Variants in PSEN1 observed in about 807,000 individuals in gnomAD.
PSEN1 encodes the protein presenilin 1, also known as presenilin-1.
In PSEN1, 15 loss-of-function variants were observed where a neutral mutation model predicts 53.5. The observed-to-expected ratio is 0.28, with a 90% CI of 0.19 to 0.43. The LOEUF is 0.43. PSEN1 is among the 20% of genes least tolerant of loss of function. PSEN1 has a pLI of 1.00. For synonymous variants in PSEN1, 208 were observed against 209.8 expected, an observed-to-expected ratio of 0.99 and a Z score of 0.08; for missense variants, 387 against 571.2, an observed-to-expected ratio of 0.68 and a Z score of 3.29.
chr14:73,185,210 C>T (rs979001203), intron 5 of PSEN1, among the ~76,000 whole-genome samples: 8 of 152,006 alleles, frequency 5.3e-5, no homozygotes, highest in Non-Finnish European at 8.8e-5. Flanking sequence ...GGGTGGCGGC[C>T]GGGCAGAGGC....
intron 9 of PSEN1, among the ~76,000 whole-genome samples, chr14:73,207,626 A>G (rs1365827571): frequency 6.6e-6 from 1 of 152,246 alleles, no homozygotes; most frequent in East Asian, 1.9e-4. Flanking sequence ...AGGTCATGTT[A>G]GACTCTCACG....
intron 10 of PSEN1, among the ~76,000 whole-genome samples, chr14:73,216,403 C>T (rs1265302750): frequency 6.6e-6 from 1 of 152,146 alleles, no homozygotes; most frequent in African/African-American, 2.4e-5. Context: ...TAATTTTCCA[C>T]AATCATTGAA....
At chr14:73,182,181 G>GA (rs1898237715) in intron 5 of PSEN1, among the ~76,000 whole-genome samples, 1 of 152,120 alleles carries the variant, frequency 6.6e-6, no homozygotes, top group Non-Finnish European at 1.5e-5. Flanking sequence ...TGTTACTTTT[G>GA]ATTCAGAAAA....
intron 6 of PSEN1, among the ~76,000 whole-genome samples, chr14:73,188,680 T>C (rs1898605636): frequency 6.6e-6 from 1 of 152,194 alleles, no homozygotes; most frequent in Non-Finnish European, 1.5e-5. Context: ...ATAAAATGTA[T>C]GCATCTCATT....
chr14:73,188,553 G>A (rs1258345090), intron 6 of PSEN1, among the ~76,000 whole-genome samples: 1 of 152,066 alleles, frequency 6.6e-6, no homozygotes, highest in African/African-American at 2.4e-5. Flanking sequence ...AGACTAAGGC[G>A]GGAGGATGGC....
intron 9 of PSEN1, among the ~76,000 whole-genome samples, chr14:73,210,175 T>C (rs548841684): frequency 2.0e-5 from 3 of 152,322 alleles, no homozygotes; most frequent in African/African-American, 7.2e-5. Flanking sequence ...GGTTGAGCTC[T>C]GTCAGAGCAT....
At chr14:73,167,933 G>A (rs1253392005) in intron 3 of PSEN1, 1 of 150,648 alleles carries the variant, frequency 6.6e-6, no homozygotes, top group Admixed American at 6.6e-5. Flanking sequence ...CAGAAGGGCT[G>A]GGCTCCTGGC....
chr14:73,146,150 G>T (rs944023865), intron 1 of PSEN1: 1 of 149,490 alleles, frequency 6.7e-6, no homozygotes, highest in African/African-American at 2.5e-5. Flanking sequence ...TTAAGTATAG[G>T]TTAAATTCCC....
At chr14:73,172,487 C>G (rs1008917361) in intron 4 of PSEN1, among the ~76,000 whole-genome samples, 7 of 152,198 alleles carry the variant, frequency 4.6e-5, no homozygotes, top group African/African-American at 1.7e-4. Flanking sequence ...TGTCTGCTAC[C>G]TTTCCACAAA....
chr14:73,157,554 C>G (rs1198728005), intron 3 of PSEN1, among the ~76,000 whole-genome samples: 2 of 152,132 alleles, frequency 1.3e-5, no homozygotes, highest in Non-Finnish European at 2.9e-5. Flanking sequence ...GAAACCACCA[C>G]CACAGTTAAA....
chr14:73,184,897 C>G (rs1232156448), intron 5 of PSEN1, among the ~76,000 whole-genome samples: 3 of 150,052 alleles, frequency 2.0e-5, no homozygotes, highest in Admixed American at 1.3e-4. Flanking sequence ...GACGGGGCGG[C>G]CGGGCAGAGA....
At position 73,219,500 on chromosome 14, in the gene PSEN1, G is replaced by T. The variant is rs200186908; in HGVS notation, c.*211G>T. ...AAAACGATTTTGAACATACTTCATC[G>T]CAGTGGACTGTGTCCCTCGGTGCAG... On this transcript the variant is annotated 3_prime_UTR_variant, in exon 12 of 12. Coordinates refer to ENST00000324501, the MANE Select transcript of PSEN1 (RefSeq NM_000021.4). 1 of 582,934 alleles carries T rather than the reference G, an allele frequency of 1.7e-6. No homozygotes were observed. Among genetic ancestry groups the T allele is most frequent in the Non-Finnish European group, 3.1e-6 (1 of 325,172 alleles). 36.1% of individuals were successfully genotyped at this position (582,934 alleles called of 1,614,324 possible).
intron 3 of PSEN1, among the ~76,000 whole-genome samples, chr14:73,152,861 G>A (rs569533437): frequency 6.6e-6 from 1 of 152,240 alleles, no homozygotes; most frequent in Admixed American, 6.5e-5. Context: ...TGGCCATCAC[G>A]GTGAAACCCT....
At chr14:73,138,728 T>A (rs185681891) in intron 1 of PSEN1, among the ~76,000 whole-genome samples, 28 of 134,874 alleles carry the variant, frequency 2.1e-4, no homozygotes, top group East Asian at 7.1e-4. Context: ...TGGGAGGCCG[T>A]GGCGGGCGGA....
At chr14:73,209,039 C>G (rs1022558800) in intron 9 of PSEN1, 7 of 335,356 alleles carry the variant, frequency 2.1e-5, no homozygotes, top group African/African-American at 1.5e-4. Flanking sequence ...CACACCCGGC[C>G]AGGTCATGAC....
At chr14:73,164,389 C>T (rs1897645072) in intron 3 of PSEN1, among the ~76,000 whole-genome samples, 1 of 152,130 alleles carries the variant, frequency 6.6e-6, no homozygotes, top group Admixed American at 6.5e-5. Flanking sequence ...GGACAATACC[C>T]TAAGAGGAGA....
At chr14:73,217,019 A>T in intron 10 of PSEN1, 107 bp from the exon 11 acceptor site, 1 of 1,222,254 alleles carries the variant, frequency 8.2e-7, no homozygotes, top group Admixed American at 1.7e-5. Context: ...TCATTTACTG[A>T]CTTCTCTCAT....
At chr14:73,141,363 T>A (rs1896920915) in intron 1 of PSEN1, among the ~76,000 whole-genome samples, 1 of 152,226 alleles carries the variant, frequency 6.6e-6, no homozygotes, top group African/African-American at 2.4e-5. Context: ...CCTTGCTCTT[T>A]TTAGCGTCTG....
At chr14:73,172,631 A>G (rs866874753) in intron 4 of PSEN1, among the ~76,000 whole-genome samples, 1 of 152,246 alleles carries the variant, frequency 6.6e-6, no homozygotes, top group Non-Finnish European at 1.5e-5. Context: ...ACTGGAGACC[A>G]TATGACCCAT....
Sources: allele counts gnomAD v4.1 joint callset (sites outside exome capture counted in the v4.1 genomes callset), GRCh38; gene constraint gnomAD v4.1.1; transcripts MANE v1.5; gene names NCBI Gene and HGNC (gene_info 2026-07-23, HGNC 2026-07-21).